The following PCYOX1 variants were observed in gnomAD, a reference collection of about 807,000 sequenced individuals.
PCYOX1 encodes prenylcysteine oxidase 1, also known as prenylcysteine lyase.
A neutral mutation model predicts 46.4 loss-of-function variants in PCYOX1; 46 were observed. The ratio of observed to expected loss-of-function variants is 0.99; its 90% CI spans 0.78 to 1.27. The LOEUF is 1.27. PCYOX1 is among the 50% of genes most tolerant of loss of function. The pLI is 0.00. For missense variants in PCYOX1, 658 were observed against 628.3 expected (o/e 1.05, Z -0.51); for synonymous variants, 220 against 231.8 (o/e 0.95, Z 0.46).
In PCYOX1 at chr2:70,258,143, A is replaced by C. The variant is rs544878434; in HGVS notation, c.-22A>C. Reference sequence around the variant, plus strand: ...GGAGGACTGCGGGGCTCTTGAGGCCAGCTGCAGAGCTTGTGGAGGCCATGG... The same window carrying C: ...GGAGGACTGCGGGGCTCTTGAGGCCCGCTGCAGAGCTTGTGGAGGCCATGG... On this transcript the variant is annotated 5_prime_UTR_variant, in exon 1 of 6. Transcript: ENST00000433351. 7 of 1,567,572 alleles carry C rather than the reference A, an allele frequency of 4.5e-6. No homozygotes were observed. Among genetic ancestry groups the C allele is most frequent in the East Asian group, 4.7e-5 (2 of 42,548 alleles).
At chr2:70,269,850 A>G (rs1334916525) in intron 3 of PCYOX1, among the ~76,000 whole-genome samples, 1 of 152,226 alleles carries the variant, frequency 6.6e-6, no homozygotes, top group East Asian at 1.9e-4. Context: ...AGATAGGTCA[A>G]ATATTGACAG....
chr2:70,263,691 G>A (rs1433961586), intron 3 of PCYOX1, among the ~76,000 whole-genome samples: 13 of 151,190 alleles, frequency 8.6e-5, no homozygotes, highest in African/African-American at 3.2e-4. Context: ...ATAGAGTCTC[G>A]TTTTGTCGCC....
intron 3 of PCYOX1, among the ~76,000 whole-genome samples, chr2:70,263,250 C>T (rs1696466302): frequency 6.6e-6 from 1 of 150,892 alleles, no homozygotes. Flanking sequence ...AAAAAGAAAG[C>T]TAAGCAGGAT....
At chr2:70,273,528 T>A (rs977344272) in intron 3 of PCYOX1, among the ~76,000 whole-genome samples, 4 of 152,220 alleles carry the variant, frequency 2.6e-5, no homozygotes, top group Non-Finnish European at 5.9e-5. Context: ...TGTGAAAGTT[T>A]CCCTTCCATG....
chr2:70,274,882 A>G, intron 3 of PCYOX1, 77 bp from the exon 4 acceptor site: 1 of 918,884 alleles, frequency 1.1e-6, no homozygotes, highest in Non-Finnish European at 1.8e-6. Flanking sequence ...GATTCTTATG[A>G]CGCCACTTCC....
intron 3 of PCYOX1, among the ~76,000 whole-genome samples, chr2:70,272,236 C>T (rs1209510061): frequency 1.3e-5 from 2 of 151,574 alleles, no homozygotes; most frequent in African/African-American, 4.9e-5. Flanking sequence ...AAGCGATTCT[C>T]CTGCCTCCAC....
chr2:70,271,295 C>T lies in PCYOX1; in HGVS notation c.495-3664C>T, dbSNP rs937391452. ...TATCACTGAAGAAAAAACACAGCAG[C>T]AAGTTCTGTGTTGGCTTCAATGAGA... On this transcript the variant is annotated intron_variant, in intron 3 of 5. Coordinates refer to ENST00000433351, the MANE Select transcript of PCYOX1 (RefSeq NM_016297.4). Among the ~76,000 whole-genome samples the T allele has an allele frequency of 6.8e-5, 10 of 147,206 alleles. No homozygotes were observed. The East Asian group carries it at 2.0e-3, about 30-fold the overall frequency.
chr2:70,277,369 G>T lies in PCYOX1; in HGVS notation c.1495G>T (p.Glu499Ter). The T allele has an allele frequency of 6.2e-7, 1 of 1,600,296 alleles. No homozygotes were observed. Among genetic ancestry groups the T allele is most frequent in the East Asian group, 2.2e-5 (1 of 44,518 alleles). The change falls in exon 6 of 6, where the codon GAG becomes TAG. Residue 499 changes from glutamate to a stop codon, truncating the protein, a stop_gained. Coordinates refer to ENST00000433351, the MANE Select transcript of PCYOX1 (RefSeq NM_016297.4). LOFTEE classifies it high-confidence loss of function. ...TDMIDQDGLY[E>*]KLKTEL Reference sequence around the variant, plus strand: ...CATGATTGATCAGGATGGCTTATATGAGAAACTTAAAACTGAACTATGAAG... The same window carrying T: ...CATGATTGATCAGGATGGCTTATATTAGAAACTTAAAACTGAACTATGAAG...
chr2:70,259,854 C>T (rs1030715769), intron 2 of PCYOX1, among the ~76,000 whole-genome samples: 2 of 151,924 alleles, frequency 1.3e-5, no homozygotes, highest in East Asian at 1.9e-4. Context: ...TCGCTCTTGT[C>T]GCTCAGGCTG....
chr2:70,277,645 GA>G lies in PCYOX1; in HGVS notation c.*254del. ...TTAGGAGTTTTTCTTAAACTTGTCT[GA>G]TAATAAGAATCACCTGGAGTTAGGA... is the stretch of plus-strand genomic sequence containing the variant. On this transcript the variant is annotated 3_prime_UTR_variant, in exon 6 of 6. Coordinates refer to ENST00000433351, the MANE Select transcript of PCYOX1 (RefSeq NM_016297.4). 2.8e-6 allele frequency: 1 copy of G among 361,074 alleles called. No individual in the cohort carries two copies. The highest frequency in any genetic ancestry group is 5.6e-5 in the South Asian group (1 of 17,992). 22.4% of individuals were successfully genotyped at this position (361,074 alleles called of 1,614,324 possible). A position where few individuals can be genotyped will look rare whatever the true frequency, so the allele number is the denominator to read the frequency against.
chr2:70,259,518 G>T lies in PCYOX1; in HGVS notation c.271G>T (p.Val91Phe), dbSNP rs1332702779. The T allele has an allele frequency of 1.9e-6, 3 of 1,614,002 alleles. No homozygotes were observed. In the African/African-American group the frequency reaches 4.0e-5, roughly 22 times the overall value. Reference protein sequence around the residue: ...QGQEYEAGGSVIHPLNLHMKR... With the variant: ...QGQEYEAGGSFIHPLNLHMKR... ...GCAAGAATACGAGGCAGGAGGTTCT[G>T]TCATCCATCCTTTAAATCTGCACAT... is the stretch of plus-strand genomic sequence containing the variant. The change falls in exon 2 of 6, where the codon GTC becomes TTC. Residue 91 changes from valine to phenylalanine, a missense_variant. Val to Phe is a conservative substitution (Grantham distance 50, BLOSUM62 -1). Transcript: ENST00000433351.
chr2:70,277,223 TC>T lies in PCYOX1; in HGVS notation c.1351del (p.His451MetfsTer10), dbSNP rs772658623. On this transcript the variant is annotated frameshift_variant, in exon 6 of 6. Transcript: ENST00000433351. LOFTEE classifies it high-confidence loss of function. ...KPPEKCPSIILHDRLYYLNGI... is the reference protein window; with the variant it reads ...KPPEKCPSIIXHDRLYYLNGI... ...CCGGAGAAATGCCCCTCTATCATTC[TC>T]CATGATCGACTTTATTACCTCAATG... 1.1e-5 allele frequency: 17 copies of T among 1,614,038 alleles called. No individual in the cohort carries two copies. The highest frequency in any genetic ancestry group is 1.4e-5 in the Non-Finnish European group (16 of 1,180,036).
At chr2:70,263,782 C>T (rs1003460432) in intron 3 of PCYOX1, among the ~76,000 whole-genome samples, 3 of 151,734 alleles carry the variant, frequency 2.0e-5, no homozygotes, top group Admixed American at 2.0e-4. Flanking sequence ...GCCTCAGCCT[C>T]CTGAGTAGCT....
At chr2:70,270,299 A>G (rs1696585124) in intron 3 of PCYOX1, among the ~76,000 whole-genome samples, 1 of 151,966 alleles carries the variant, frequency 6.6e-6, no homozygotes, top group South Asian at 2.1e-4. Flanking sequence ...CCTGCCAGAC[A>G]TTTTTCTTGA....
intron 3 of PCYOX1, among the ~76,000 whole-genome samples, chr2:70,262,419 G>C (rs557342494): frequency 1.3e-5 from 2 of 151,794 alleles, no homozygotes; most frequent in South Asian, 4.2e-4. Context: ...ACCTGCCTCG[G>C]CCTCCCAAAG....
chr2:70,275,190 AG>A lies in PCYOX1; in HGVS notation c.706+21del. On this transcript the variant is annotated intron_variant, in intron 4 of 5. Coordinates refer to ENST00000433351, the MANE Select transcript of PCYOX1 (RefSeq NM_016297.4). ...TTGTGGGTAAGCCAGGGCTTGAAAC[AG>A]TGGTGGACATTAGTTCACAGAGGGG... The A allele has an allele frequency of 6.3e-7, 1 of 1,581,998 alleles. No homozygotes were observed. Among genetic ancestry groups the A allele is most frequent in the Admixed American group, 1.7e-5 (1 of 59,984 alleles).
intron 3 of PCYOX1, among the ~76,000 whole-genome samples, chr2:70,267,783 G>GGGAGACCGT (rs1318798444): frequency 6.6e-6 from 1 of 151,528 alleles, no homozygotes; most frequent in Non-Finnish European, 1.5e-5. Flanking sequence ...ACCGTGGAGA[G>GGGAGACCGT]GGAGAGGGGG....
chr2:70,276,896 A>C lies in PCYOX1; in HGVS notation c.1022A>C (p.Gln341Pro). 1 of 1,613,206 alleles carries C rather than the reference A, an allele frequency of 6.2e-7. No individual in the cohort carries two copies. Among genetic ancestry groups the C allele is most frequent in the East Asian group, 2.2e-5 (1 of 44,866 alleles). ...ATTGAGGAATTCCATCAATATTATCAACATATAGTGACAACTTTAGTTAAG... is the reference window on the plus strand; with the variant it reads ...ATTGAGGAATTCCATCAATATTATCCACATATAGTGACAACTTTAGTTAAG... ...PPIEEFHQYYQHIVTTLVKGE... is the reference protein window; with the variant it reads ...PPIEEFHQYYPHIVTTLVKGE... The change falls in exon 6 of 6, where the codon CAA becomes CCA. Residue 341 changes from glutamine to proline, a missense_variant. Transcript: ENST00000433351.
Position 70,275,128 on chromosome 2 carries a change from A to C in PCYOX1, c.664A>C (p.Arg222=), listed in dbSNP as rs532860601. ...FLNEMIAPVM[R]VNYGQSTDIN... Reference sequence around the variant, plus strand: ...CAATGAAATGATTGCTCCTGTTATGAGGGTCAATTATGGCCAAAGCACGGA... The same window carrying C: ...CAATGAAATGATTGCTCCTGTTATGCGGGTCAATTATGGCCAAAGCACGGA... Residue 222 remains arginine, a synonymous_variant, in exon 4 of 6, where the codon AGG becomes CGG. Transcript: ENST00000433351. 1 of 1,614,106 alleles carries C rather than the reference A, an allele frequency of 6.2e-7. No homozygotes were observed.
Sources: gnomAD v4.1 joint callset for allele counts (sites outside exome capture counted in the v4.1 genomes callset) on GRCh38, gnomAD v4.1.1 for gene constraint, MANE v1.5 for transcripts, NCBI Gene and HGNC (gene_info 2026-07-23, HGNC 2026-07-21) for gene names.